Variants in ADGRV1 observed in about 807,000 individuals in gnomAD.
The protein encoded by ADGRV1 is adhesion G protein-coupled receptor V1, also known as G-protein coupled receptor 98.
Under a neutral mutation model 596.2 loss-of-function variants are expected in ADGRV1, and 359 were observed. That is an observed-to-expected ratio of 0.60 (90% CI 0.55 to 0.66). The LOEUF is 0.66. Among genes scored for constraint, ADGRV1 ranks in the 30% least tolerant of loss-of-function variants. The pLI is 0.00. For synonymous variants in ADGRV1, 2,681 were observed against 2,679.2 expected (o/e 1.00, Z -0.02); for missense variants, 7,274 against 7,575.6 (o/e 0.96, Z 1.48).
In ADGRV1 at chr5:90,774,184, A is replaced by G; in HGVS notation, c.12286-2A>G. The G allele has an allele frequency of 6.4e-7, 1 of 1,571,812 alleles. No individual in the cohort carries two copies. Among genetic ancestry groups the G allele is most frequent in the Non-Finnish European group, 8.7e-7 (1 of 1,145,374 alleles). On this transcript the variant is annotated splice_acceptor_variant, in intron 59 of 89. Coordinates refer to ENST00000405460, the MANE Select transcript of ADGRV1 (RefSeq NM_032119.4). LOFTEE classifies it high-confidence loss of function. ...ATGCACTGTTTCTGTCATTGGATGT[A>G]GACTGAGTCCCAGAAGACCATTGTG...
chr5:90,733,832 AT>A (rs980618514), intron 50 of ADGRV1, among the ~76,000 whole-genome samples: 9 of 152,140 alleles, frequency 5.9e-5, no homozygotes, highest in African/African-American at 2.2e-4. Flanking sequence ...TATACTATAC[AT>A]TATTATTGAT....
chr5:91,098,854 C>T (rs567739661), intron 86 of ADGRV1, among the ~76,000 whole-genome samples: 1 of 150,760 alleles, frequency 6.6e-6, no homozygotes, highest in East Asian at 1.9e-4. Flanking sequence ...TGTGCATGTC[C>T]CTTTGTACTC....
Position 91,145,760 on chromosome 5 carries a change from AT to A in ADGRV1, c.18433-4263del, listed in dbSNP as rs368348053. Among the ~76,000 whole-genome samples, 37 of 152,274 alleles carry A rather than the reference AT, an allele frequency of 2.4e-4. 1 individual carries two copies. In the East Asian group the frequency reaches 5.4e-3, roughly 22 times the overall value. On this transcript the variant is annotated intron_variant, in intron 87 of 89. Coordinates refer to ENST00000405460, the MANE Select transcript of ADGRV1 (RefSeq NM_032119.4). The stretch of plus-strand genomic sequence containing the variant: ...AGATAAACCACTGATTTTAAAACAT[AT>A]TTTTTTAACAATACAGATTAGATGC...
rs980193067 is a variant in ADGRV1 at position 90,621,942 on chromosome 5, C to T, written c.454-655C>T. ...GAAACCTCATCACAACCCTTCAAGA[C>T]GGACATTGCTAACCCCAGTTATGTA... On this transcript the variant is annotated intron_variant, in intron 4 of 89. Transcript: ENST00000405460. Among the ~76,000 whole-genome samples, 8 of 152,132 alleles carry T rather than the reference C, an allele frequency of 5.3e-5. No homozygotes were observed. In the East Asian group the frequency reaches 9.6e-4, roughly 18 times the overall value.
intron 50 of ADGRV1, among the ~76,000 whole-genome samples, chr5:90,743,352 A>G (rs997070022): frequency 1.3e-5 from 2 of 152,076 alleles, no homozygotes; most frequent in African/African-American, 4.8e-5. Context: ...GTGGTTCTTG[A>G]TATGTAAGAG....
chr5:90,675,310 C>T lies in ADGRV1; in HGVS notation c.5178C>T (p.Ser1726=), dbSNP rs371013808. 4.3e-5 allele frequency: 69 copies of T among 1,613,644 alleles called. No individual in the cohort carries two copies. The highest frequency in any genetic ancestry group is 5.1e-5 in the Non-Finnish European group (60 of 1,179,802). ...ACGCAATGACCCTGCCTGCAAGCAG[C>T]GTTCCACATATCACTGTGGAGGAGG... is the stretch of plus-strand genomic sequence containing the variant. ...PKDAMTLPAS[S]VPHITVEEED... is the part of the protein sequence containing the mutation. The change falls in exon 24 of 90, where the codon AGC becomes AGT. Residue 1726 remains serine, a synonymous_variant. Coordinates refer to ENST00000405460, the MANE Select transcript of ADGRV1 (RefSeq NM_032119.4).
At chr5:90,738,468 C>A (rs1406288242) in intron 50 of ADGRV1, among the ~76,000 whole-genome samples, 1 of 152,084 alleles carries the variant, frequency 6.6e-6, no homozygotes, top group Non-Finnish European at 1.5e-5. Context: ...GCTTAAGTAA[C>A]TCCCTTTAGC....
Position 90,766,054 on chromosome 5 carries a change from C to T in ADGRV1, c.12285+2585C>T, listed in dbSNP as rs371864960. ...CCTCCCGAGTAGCTGGGACTACAGGCGCCCGCCACCACACCTGGCTAATTT... is the reference window on the plus strand; with the variant it reads ...CCTCCCGAGTAGCTGGGACTACAGGTGCCCGCCACCACACCTGGCTAATTT... On this transcript the variant is annotated intron_variant, in intron 59 of 89. Transcript: ENST00000405460. Among the ~76,000 whole-genome samples the T allele has an allele frequency of 1.5e-3, 233 of 152,102 alleles. 1 individual carries two copies. Among genetic ancestry groups the T allele is most frequent in the African/African-American group, 4.4e-3 (183 of 41,494 alleles).
At chr5:90,569,964 G>A (rs1225610880) in intron 1 of ADGRV1, among the ~76,000 whole-genome samples, 2 of 152,008 alleles carry the variant, frequency 1.3e-5, no homozygotes, top group Admixed American at 6.5e-5. Context: ...CAATCAGAGA[G>A]GCTAAAAGTA....
chr5:90,788,344 G>T (rs770663747), intron 68 of ADGRV1, 34 bp downstream of exon 68: 2 of 1,546,908 alleles, frequency 1.3e-6, no homozygotes, highest in Non-Finnish European at 1.8e-6. Flanking sequence ...ACAAAATGTG[G>T]ATTTCATGGA....
At chr5:90,774,039 T>G (rs1757959772) in intron 59 of ADGRV1, 147 bp from the exon 60 acceptor site, 1 of 404,518 alleles carries the variant, frequency 2.5e-6, no homozygotes, top group Admixed American at 4.3e-5. Context: ...GTGGAGTAAT[T>G]CTTTCTAGCT....
In ADGRV1 at chr5:90,653,354, A is replaced by G. The variant is rs895470269; in HGVS notation, c.3780A>G (p.Glu1260=). 1.2e-5 allele frequency: 19 copies of G among 1,613,852 alleles called. No homozygotes were observed. Among genetic ancestry groups the G allele is most frequent in the Non-Finnish European group, 1.5e-5 (18 of 1,179,892 alleles). The stretch of plus-strand genomic sequence containing the variant: ...AAGTGGCAGAAGATGTCCTGTCTGA[A>G]GATGATATGTCTTATATTACCAACT... ...EREVAEDVLS[E]DDMSYITNFT... is the part of the protein sequence containing the mutation. The change falls in exon 20 of 90, where the codon GAA becomes GAG. Residue 1260 remains glutamate, a synonymous_variant. Transcript: ENST00000405460.
chr5:90,704,994 G>T (rs1169511480), intron 36 of ADGRV1, among the ~76,000 whole-genome samples: 2 of 151,970 alleles, frequency 1.3e-5, no homozygotes, highest in African/African-American at 4.8e-5. Context: ...TATTTTAGTA[G>T]AGATGGGGTT....
chr5:90,578,037 A>G (rs1041185486), intron 1 of ADGRV1, among the ~76,000 whole-genome samples: 4 of 152,206 alleles, frequency 2.6e-5, no homozygotes, highest in Non-Finnish European at 5.9e-5. Flanking sequence ...TTTTCTAAAT[A>G]TACAATCATG....
chr5:90,735,416 T>C (rs1561626609), intron 50 of ADGRV1, among the ~76,000 whole-genome samples: 1 of 152,228 alleles, frequency 6.6e-6, no homozygotes. Context: ...TGATCATAAT[T>C]GCTTTATATT....
At chr5:90,600,041 A>G (rs1337898305) in intron 1 of ADGRV1, among the ~76,000 whole-genome samples, 2 of 152,226 alleles carry the variant, frequency 1.3e-5, no homozygotes, top group Non-Finnish European at 2.9e-5. Flanking sequence ...GGCTCCTGGT[A>G]GTGACAATAG....
intron 87 of ADGRV1, among the ~76,000 whole-genome samples, chr5:91,144,670 T>C (rs547643945): frequency 6.6e-6 from 1 of 152,284 alleles, no homozygotes; most frequent in South Asian, 2.1e-4. Flanking sequence ...ATAATCAAAA[T>C]GGTAATGCAT....
Position 90,708,803 on chromosome 5 carries a change from G to T in ADGRV1, c.8731-13G>T. ...GTATAACTAAAGGAATTTAATGAGT[G>T]TAATTTTTTCAGGATGATGTACCAG... On this transcript the variant is annotated splice_polypyrimidine_tract_variant and intron_variant, in intron 38 of 89. Transcript: ENST00000405460. 3 of 1,559,912 alleles carry T rather than the reference G, an allele frequency of 1.9e-6. No individual in the cohort carries two copies. Among genetic ancestry groups the T allele is most frequent in the Middle Eastern group, 1.7e-4 (1 of 5,960 alleles).
intron 85 of ADGRV1, among the ~76,000 whole-genome samples, chr5:91,042,169 G>A (rs1482022431): frequency 1.3e-5 from 2 of 152,146 alleles, no homozygotes; most frequent in Admixed American, 1.3e-4. Context: ...TCTGAAATCA[G>A]TAGAGTAGTT....
Sources: allele counts gnomAD v4.1 joint callset (sites outside exome capture counted in the v4.1 genomes callset), GRCh38; gene constraint gnomAD v4.1.1; transcripts MANE v1.5; gene names NCBI Gene and HGNC (gene_info 2026-07-23, HGNC 2026-07-21).